PTPRD: variants seen among roughly 807,000 people sequenced by gnomAD.
The protein encoded by PTPRD is protein tyrosine phosphatase receptor type D, also known as receptor-type tyrosine-protein phosphatase delta.
PTPRD carries 34 observed loss-of-function variants against 214.5 expected under a neutral mutation model. That is an observed-to-expected ratio of 0.16 (90% CI 0.12 to 0.21). The LOEUF is 0.21. PTPRD is among the 10% of genes least tolerant of loss of function. PTPRD has a pLI of 1.00. For missense variants in PTPRD, 2,545 were observed against 2,398.7 expected (o/e 1.06, Z -1.27); for synonymous variants, 1,128 against 845.7 (o/e 1.33, Z -5.79).
In PTPRD at chr9:9,786,000, A is replaced by T. The variant is rs146480530; in HGVS notation, c.-367-19149T>A. Among the ~76,000 whole-genome samples the T allele has an allele frequency of 7.0e-3, 1,065 of 152,312 alleles. 14 individuals are homozygous for T. Among genetic ancestry groups the T allele is most frequent in the African/African-American group, 0.024 (1,002 of 41,574 alleles). Reference sequence around the variant, plus strand: ...TTACCACTTTGCTAATGTTATAATTATTCACTATCCTGGTTTTTTCTCCAA... The same window carrying T: ...TTACCACTTTGCTAATGTTATAATTTTTCACTATCCTGGTTTTTTCTCCAA... On this transcript the variant is annotated intron_variant, in intron 5 of 45. Coordinates refer to ENST00000381196, the MANE Select transcript of PTPRD (RefSeq NM_002839.4).
intron 8 of PTPRD, among the ~76,000 whole-genome samples, chr9:9,450,132 G>C (rs1339886441): frequency 6.6e-6 from 1 of 151,408 alleles, no homozygotes; most frequent in Non-Finnish European, 1.5e-5. Context: ...GTGTGTGTGT[G>C]TGTGTGTGTA....
rs535858030 is a variant in PTPRD at position 10,309,630 on chromosome 9, G to A, written c.-545+31333C>T. Among the ~76,000 whole-genome samples, 17 of 151,590 alleles carry A rather than the reference G, an allele frequency of 1.1e-4. 1 individual carries two copies. The South Asian group carries it at 1.2e-3, about 11-fold the overall frequency. On this transcript the variant is annotated intron_variant, in intron 3 of 45. Coordinates refer to ENST00000381196, the MANE Select transcript of PTPRD (RefSeq NM_002839.4). ...TCTGCCCACCTCAGCCTACCAAAGT[G>A]CTGGGATTAAAGGCATGAACCACCA... is the stretch of plus-strand genomic sequence containing the variant.
chr9:10,566,675 T>C (rs1421186926), intron 2 of PTPRD, among the ~76,000 whole-genome samples: 1 of 151,970 alleles, frequency 6.6e-6, no homozygotes, highest in Non-Finnish European at 1.5e-5. Flanking sequence ...TGGACAGAAG[T>C]TCTTAGTTTT....
intron 7 of PTPRD, among the ~76,000 whole-genome samples, chr9:9,626,098 C>A (rs1564142405): frequency 6.6e-6 from 1 of 152,146 alleles, no homozygotes; most frequent in African/African-American, 2.4e-5. Context: ...GGTCTACGAG[C>A]CACAGTTTAT....
rs564159400 is a variant in PTPRD at position 9,833,961 on chromosome 9, G to C, written c.-367-67110C>G. Among the ~76,000 whole-genome samples, 119 of 151,968 alleles carry C rather than the reference G, an allele frequency of 7.8e-4. 1 individual carries two copies. Among genetic ancestry groups the C allele is most frequent in the Middle Eastern group, 6.8e-3 (2 of 292 alleles). ...TTTGTAGTTAACGCAATTATTACAG[G>C]GTCCTGGAACGATATACATCCTCCT... On this transcript the variant is annotated intron_variant, in intron 5 of 45. Transcript: ENST00000381196.
chr9:9,470,026 G>A (rs10977797), intron 8 of PTPRD, among the ~76,000 whole-genome samples: 2,600 of 152,198 alleles, frequency 0.017, 34 homozygotes, highest in Non-Finnish European at 0.029. Context: ...ACTCCCAGAG[G>A]ACAGAAATGG....
chr9:9,841,926 G>T (rs1253513094), intron 5 of PTPRD, among the ~76,000 whole-genome samples: 6 of 152,010 alleles, frequency 3.9e-5, no homozygotes, highest in African/African-American at 1.4e-4. Flanking sequence ...ATGTTGGAAA[G>T]TACACATAAG....
chr9:8,485,350 T>C (rs2135869804), intron 28 of PTPRD, 26 bp from the exon 29 acceptor site: 2 of 1,533,424 alleles, frequency 1.3e-6, no homozygotes, highest in Non-Finnish European at 1.8e-6. Flanking sequence ...AAACAGTGTA[T>C]TTAAACTATT....
At chr9:9,505,371 C>A (rs948252615) in intron 8 of PTPRD, among the ~76,000 whole-genome samples, 26 of 151,498 alleles carry the variant, frequency 1.7e-4, no homozygotes, top group African/African-American at 6.3e-4. Context: ...CAGAATTTTA[C>A]TTTCCTCTTG....
At chr9:9,166,284 T>C (rs2099903653) in intron 10 of PTPRD, among the ~76,000 whole-genome samples, 1 of 152,064 alleles carries the variant, frequency 6.6e-6, no homozygotes, top group African/African-American at 2.4e-5. Context: ...AGATGACATA[T>C]TCCTATACTC....
intron 12 of PTPRD, among the ~76,000 whole-genome samples, chr9:8,720,177 A>G (rs548583344): frequency 1.3e-5 from 2 of 152,352 alleles, no homozygotes; most frequent in South Asian, 2.1e-4. Flanking sequence ...TGGAATGCCA[A>G]GATGGCTTGG....
chr9:10,002,801 A>G (rs1258300410), intron 4 of PTPRD, among the ~76,000 whole-genome samples: 1 of 151,652 alleles, frequency 6.6e-6, no homozygotes, highest in Non-Finnish European at 1.5e-5. Context: ...ATAAAAAAAA[A>G]AGACTTCAAT....
intron 7 of PTPRD, among the ~76,000 whole-genome samples, chr9:9,691,931 ACTGT>A (rs1309731270): frequency 1.3e-5 from 2 of 152,138 alleles, no homozygotes; most frequent in African/African-American, 2.4e-5. Flanking sequence ...TCTTCTGGGA[ACTGT>A]CTATTGAAAT....
chr9:8,896,681 T>G (rs1340585909), intron 11 of PTPRD, among the ~76,000 whole-genome samples: 1 of 152,198 alleles, frequency 6.6e-6, no homozygotes, highest in Non-Finnish European at 1.5e-5. Context: ...TTGAATAGTT[T>G]CAGGTTTAAT....
chr9:9,686,633 G>A (rs938526117), intron 7 of PTPRD, among the ~76,000 whole-genome samples: 1 of 151,554 alleles, frequency 6.6e-6, no homozygotes, highest in Non-Finnish European at 1.5e-5. Context: ...AGAAATTGGT[G>A]TTGATTTGGT....
At chr9:9,966,692 A>G (rs1463602982) in intron 4 of PTPRD, among the ~76,000 whole-genome samples, 1 of 152,160 alleles carries the variant, frequency 6.6e-6, no homozygotes, top group African/African-American at 2.4e-5. Flanking sequence ...AGTCCATCAT[A>G]TGAATGATGG....
intron 7 of PTPRD, among the ~76,000 whole-genome samples, chr9:9,619,107 A>C (rs566789332): frequency 3.3e-4 from 51 of 152,292 alleles, no homozygotes; most frequent in Non-Finnish European, 7.4e-5. Context: ...CTGGTGGTAC[A>C]AATTTCATAT....
At chr9:9,549,705 A>G (rs910595791) in intron 8 of PTPRD, among the ~76,000 whole-genome samples, 3 of 152,160 alleles carry the variant, frequency 2.0e-5, no homozygotes, top group African/African-American at 4.8e-5. Context: ...AAATGATTCA[A>G]CAAATGATGG....
At chr9:8,344,823 G>A (rs1161928339) in intron 39 of PTPRD, among the ~76,000 whole-genome samples, 2 of 151,880 alleles carry the variant, frequency 1.3e-5, no homozygotes, top group Non-Finnish European at 2.9e-5. Flanking sequence ...TTAAATGATA[G>A]TGACAGTTAA....
Sources: gnomAD v4.1 joint callset for allele counts (sites outside exome capture counted in the v4.1 genomes callset) on GRCh38, gnomAD v4.1.1 for gene constraint, MANE v1.5 for transcripts, NCBI Gene and HGNC (gene_info 2026-07-23, HGNC 2026-07-21) for gene names.